PUDP: variants seen among roughly 807,000 people sequenced by gnomAD.
The protein encoded by PUDP is pseudouridine-5'-phosphatase.
PUDP carries 8 observed loss-of-function variants against 9.4 expected under a neutral mutation model. The ratio of observed to expected loss-of-function variants is 0.85; its 90% CI spans 0.50 to 1.53. The LOEUF (loss-of-function observed/expected upper bound fraction) is 1.53. Among genes scored for constraint, PUDP ranks in the 40% most tolerant of loss-of-function variants. PUDP has a pLI of 0.00. For missense variants in PUDP, 188 were observed against 189.7 expected (o/e 0.99, Z 0.05); for synonymous variants, 99 against 80.7 (o/e 1.23, Z -1.22).
At chrX:6,739,493 C>T (rs943632159) in intron 3 of PUDP, among the ~76,000 whole-genome samples, 1 of 111,068 alleles carries the variant, frequency 9.0e-6, no homozygotes, top group Non-Finnish European at 1.9e-5. Flanking sequence ...TTTTGGTTGT[C>T]GCAACTGGAA....
At chrX:6,981,976 G>GAC (rs749042919) in intron 1 of PUDP, among the ~76,000 whole-genome samples, 55 of 98,521 alleles carry the variant, frequency 5.6e-4, no homozygotes, top group African/African-American at 1.1e-3. Flanking sequence ...AGGACTTACA[G>GAC]ACACACACAC....
intron 3 of PUDP, among the ~76,000 whole-genome samples, chrX:6,890,935 C>CAAAAAAAA (rs764486249): frequency 3.0e-5 from 1 of 33,135 alleles, no homozygotes; most frequent in Non-Finnish European, 4.8e-5. Flanking sequence ...CTCATCTCTC[C>CAAAAAAAA]AAAAAAAAAA....
chrX:6,714,280 T>C (rs1377563027), intron 1 of PUDP, among the ~76,000 whole-genome samples: 2 of 111,640 alleles, frequency 1.8e-5, no homozygotes, highest in Non-Finnish European at 3.8e-5. Context: ...GATTCAACCA[T>C]CAAGAAATAA....
intron 1 of PUDP, among the ~76,000 whole-genome samples, chrX:6,980,206 C>CTCTTT (rs1284270700): frequency 2.4e-5 from 2 of 83,040 alleles, no homozygotes; most frequent in Non-Finnish European, 4.4e-5. Flanking sequence ...CTCTTCTCTT[C>CTCTTT]TCTTTTCTTT....
chrX:6,761,467 T>C (rs757380546), intron 3 of PUDP, among the ~76,000 whole-genome samples: 2 of 112,368 alleles, frequency 1.8e-5, no homozygotes, highest in East Asian at 2.8e-4. Context: ...CAATGCTTAA[T>C]GCTGACAGTA....
In PUDP at chrX:7,105,695, T is replaced by C; in HGVS notation, c.205A>G (p.Met69Val). Residue 69 changes from methionine (M) to valine (V), a missense_variant, in exon 2 of 4, where the codon ATG becomes GTG. By Grantham distance (21) the Met-to-Val change is conservative. Transcript: ENST00000381077. ...TCTTCCACCAGCTCCTCTTTGGACATCGGGAGCTGCAAGACGTCTATTATA... is the reference window on the plus strand; with the variant it reads ...TCTTCCACCAGCTCCTCTTTGGACACCGGGAGCTGCAAGACGTCTATTATA... Reference protein sequence around the residue: ...QIIIDVLQLPMSKEELVEESQ... With the variant: ...QIIIDVLQLPVSKEELVEESQ... 1 of 1,210,007 alleles carries C rather than the reference T, an allele frequency of 8.3e-7. No homozygotes were observed.
At chrX:6,908,233 C>T (rs1018043649) in intron 3 of PUDP, among the ~76,000 whole-genome samples, 7 of 112,481 alleles carry the variant, frequency 6.2e-5, no homozygotes, top group South Asian at 3.7e-4. Context: ...TGATAAAACC[C>T]GAGCACTCCT....
intron 3 of PUDP, among the ~76,000 whole-genome samples, chrX:6,767,536 G>T (rs1394543837): frequency 8.9e-6 from 1 of 112,368 alleles, no homozygotes; most frequent in East Asian, 2.8e-4. Flanking sequence ...TAGGCTTGAT[G>T]CCAGTTCGCC....
intron 1 of PUDP, among the ~76,000 whole-genome samples, chrX:6,990,932 G>A (rs188516458): frequency 8.2e-4 from 92 of 112,506 alleles, no homozygotes; most frequent in African/African-American, 2.9e-3. Context: ...GACTCCAGAT[G>A]GAAAGTGCCT....
At chrX:7,035,487 A>T (rs369463507) in intron 1 of PUDP, among the ~76,000 whole-genome samples, 1 of 111,699 alleles carries the variant, frequency 9.0e-6, no homozygotes, top group East Asian at 2.8e-4. Context: ...TGCACTTGCT[A>T]TTTTATTTTT....
At chrX:7,121,384 T>C (rs755766723) in intron 1 of PUDP, among the ~76,000 whole-genome samples, 13 of 111,315 alleles carry the variant, frequency 1.2e-4, no homozygotes, top group African/African-American at 4.2e-4. Context: ...GGGATGCCCA[T>C]GTTTTGGGGC....
chrX:6,817,613 G>T (rs1926272655), intron 3 of PUDP, among the ~76,000 whole-genome samples: 1 of 111,619 alleles, frequency 9.0e-6, no homozygotes, highest in Admixed American at 9.6e-5. Flanking sequence ...CCACACACAA[G>T]TGCAAACGGA....
chrX:6,750,400 T>G (rs753835525), intron 3 of PUDP, among the ~76,000 whole-genome samples: 14 of 111,127 alleles, frequency 1.3e-4, no homozygotes, highest in Non-Finnish European at 2.3e-4. Context: ...TGTGTGTGTG[T>G]GTGTCTGTGT....
chrX:7,051,892 G>C (rs1179194206), intron 3 of PUDP, among the ~76,000 whole-genome samples: 3 of 112,662 alleles, frequency 2.7e-5, no homozygotes, highest in African/African-American at 9.7e-5. Context: ...TAAGGGAAGA[G>C]AGGTCCTCGC....
At chrX:7,066,655 CCATGGAGTA>C (rs1271033349) in intron 3 of PUDP, among the ~76,000 whole-genome samples, 1 of 111,261 alleles carries the variant, frequency 9.0e-6, no homozygotes, top group Non-Finnish European at 1.9e-5. Flanking sequence ...TCCTAACGGG[CCATGGAGTA>C]CTGGTCCATG....
At chrX:7,113,845 T>A (rs780478305) in intron 1 of PUDP, among the ~76,000 whole-genome samples, 1 of 112,047 alleles carries the variant, frequency 8.9e-6, no homozygotes, top group African/African-American at 3.2e-5. Context: ...CTCTGTCTTA[T>A]TCCATTTTCT....
At chrX:7,003,795 T>C (rs569034001) in intron 1 of PUDP, among the ~76,000 whole-genome samples, 1 of 112,040 alleles carries the variant, frequency 8.9e-6, no homozygotes, top group African/African-American at 3.3e-5. Context: ...ATTTCAAAAA[T>C]ATCCACAATT....
At chrX:6,790,793 G>A (rs745438143) in intron 3 of PUDP, among the ~76,000 whole-genome samples, 12 of 111,894 alleles carry the variant, frequency 1.1e-4, no homozygotes, top group Non-Finnish European at 2.3e-4. Context: ...ACGGCATGAC[G>A]GACCTTTCTA....
intron 3 of PUDP, among the ~76,000 whole-genome samples, chrX:6,733,770 CTTTTTTTTT>C (rs3046297): frequency 6.5e-5 from 3 of 46,266 alleles, no homozygotes; most frequent in African/African-American, 3.2e-4. Context: ...AAAGCAAAGC[CTTTTTTTTT>C]TTTTTTTTTT....
Sources: allele counts gnomAD v4.1 joint callset (sites outside exome capture counted in the v4.1 genomes callset), GRCh38; gene constraint gnomAD v4.1.1; transcripts MANE v1.5; gene names NCBI Gene and HGNC (gene_info 2026-07-23, HGNC 2026-07-21).